Variants in CLIP2 observed in about 807,000 individuals in gnomAD.
CLIP2 encodes CAP-Gly domain containing linker protein 2, also known as CAP-Gly domain-containing linker protein 2.
Under a neutral mutation model 111.7 loss-of-function variants are expected in CLIP2, and 41 were observed. That is an observed-to-expected ratio of 0.37 (90% CI 0.29 to 0.48). The LOEUF is 0.48. Among genes scored for constraint, CLIP2 ranks in the 20% least tolerant of loss-of-function variants. CLIP2 has a pLI of 0.99. For synonymous variants in CLIP2, 660 were observed against 644.2 expected (o/e 1.02, Z -0.37); for missense variants, 1,160 against 1,422.1 (o/e 0.82, Z 2.96).
At chr7:74,378,241 C>T (rs1790850590) in intron 10 of CLIP2, among the ~76,000 whole-genome samples, 1 of 152,034 alleles carries the variant, frequency 6.6e-6, no homozygotes, top group African/African-American at 2.4e-5. Flanking sequence ...GAGCCTCCCA[C>T]TTCAGCCTTC....
chr7:74,310,567 G>A (rs1346889513), intron 1 of CLIP2, among the ~76,000 whole-genome samples: 4 of 152,086 alleles, frequency 2.6e-5, no homozygotes, highest in African/African-American at 9.7e-5. Flanking sequence ...CCCTACTTTT[G>A]TTTGTACAGG....
rs891473878 is a variant in CLIP2, at chr7:74,404,062, A to G, written c.*214A>G. 4.9e-6 allele frequency: 3 copies of G among 615,722 alleles called. No homozygotes were observed. Among genetic ancestry groups the G allele is most frequent in the Non-Finnish European group, 8.9e-6 (3 of 337,732 alleles). 38.1% of individuals were successfully genotyped at this position (615,722 alleles called of 1,614,324 possible). ...GCCCAGCCTTCTACAGAGAGTGTGA[A>G]CGGTACAGCCCCGGCCTGACCCGGG... On this transcript the variant is annotated 3_prime_UTR_variant, in exon 17 of 17. Coordinates refer to ENST00000223398, the MANE Select transcript of CLIP2 (RefSeq NM_003388.5).
In CLIP2 at chr7:74,301,049, C is replaced by T. The variant is rs182380219; in HGVS notation, c.-68+11315C>T. ...TTGTACTAATTTACATTCTTACCAA[C>T]AGTGTATACGCGTTCCCTTTCCTCC... On this transcript the variant is annotated intron_variant, in intron 1 of 16. Transcript: ENST00000223398. Among the ~76,000 whole-genome samples the T allele has an allele frequency of 5.9e-5, 9 of 152,334 alleles. No individual in the cohort carries two copies. In the East Asian group the frequency reaches 1.7e-3, roughly 29 times the overall value.
At position 74,396,988 on chromosome 7, in the gene CLIP2, C is replaced by G. The variant is rs1584393530; in HGVS notation, c.2721-86C>G. 8 of 1,533,270 alleles carry G rather than the reference C, an allele frequency of 5.2e-6. No homozygotes were observed. The East Asian group carries it at 1.8e-4, about 35-fold the overall frequency. 95.0% of individuals were successfully genotyped at this position (1,533,270 alleles called of 1,614,324 possible). ...CCATGTCCCCCACCAGTTGGTCAGC[C>G]CCTGGACACTTGGCAAATTGCTAGA... On this transcript the variant is annotated intron_variant, in intron 13 of 16. Transcript: ENST00000223398.
chr7:74,318,963 T>G (rs1373650948), intron 2 of CLIP2, among the ~76,000 whole-genome samples: 1 of 152,130 alleles, frequency 6.6e-6, no homozygotes, highest in Non-Finnish European at 1.5e-5. Flanking sequence ...ACAGGGTCCC[T>G]GGCAGAGCCA....
chr7:74,336,611 G>A, intron 2 of CLIP2, among the ~76,000 whole-genome samples: 1 of 152,132 alleles, frequency 6.6e-6, no homozygotes, highest in African/African-American at 2.4e-5. Context: ...CTCCCACTGG[G>A]TACCTCCCAA....
At chr7:74,290,247 C>T (rs1018920910) in intron 1 of CLIP2, among the ~76,000 whole-genome samples, 4 of 152,210 alleles carry the variant, frequency 2.6e-5, no homozygotes, top group Non-Finnish European at 5.9e-5. Flanking sequence ...GCTACACCCT[C>T]TGGGGTCGCC....
chr7:74,316,253 T>C (rs1788771943), intron 1 of CLIP2, among the ~76,000 whole-genome samples: 1 of 151,854 alleles, frequency 6.6e-6, no homozygotes, highest in Non-Finnish European at 1.5e-5. Flanking sequence ...TTTGTTTTTG[T>C]TTTTGTTTTG....
At chr7:74,332,672 C>G (rs1022876286) in intron 2 of CLIP2, among the ~76,000 whole-genome samples, 1 of 152,036 alleles carries the variant, frequency 6.6e-6, no homozygotes, top group Non-Finnish European at 1.5e-5. Flanking sequence ...CTGTAACTTT[C>G]CTGGGGCAAG....
intron 2 of CLIP2, among the ~76,000 whole-genome samples, chr7:74,329,058 C>T (rs1479212107): frequency 6.6e-6 from 1 of 150,388 alleles, no homozygotes; most frequent in Non-Finnish European, 1.5e-5. Context: ...TAGGCACCCG[C>T]CATCATGCCT....
chr7:74,315,015 G>A (rs533934910), intron 1 of CLIP2, among the ~76,000 whole-genome samples: 48 of 152,306 alleles, frequency 3.2e-4, no homozygotes, highest in Non-Finnish European at 5.0e-4. Context: ...GGTGGCTCAC[G>A]CCTGTAATCC....
At chr7:74,342,077 G>C (rs1464650781) in intron 3 of CLIP2, among the ~76,000 whole-genome samples, 1 of 152,142 alleles carries the variant, frequency 6.6e-6, no homozygotes, top group Admixed American at 6.6e-5. Context: ...TGAGAGACTA[G>C]AGAAACTGTG....
chr7:74,295,516 T>C (rs1554725955), intron 1 of CLIP2, among the ~76,000 whole-genome samples: 3 of 152,140 alleles, frequency 2.0e-5, no homozygotes, highest in Admixed American at 2.0e-4. Context: ...CTGTTCCCTT[T>C]TGTAATGTAG....
intron 1 of CLIP2, among the ~76,000 whole-genome samples, chr7:74,299,763 A>G (rs1172251287): frequency 6.7e-6 from 1 of 149,912 alleles, no homozygotes; most frequent in Non-Finnish European, 1.5e-5. Flanking sequence ...CAATGGTGTG[A>G]TCTCGGCTCA....
At chr7:74,361,170 C>CCCTCCTTTCCTTCCTTCCTT (rs1790317528) in intron 7 of CLIP2, among the ~76,000 whole-genome samples, 2 of 12,704 alleles carry the variant, frequency 1.6e-4, no homozygotes, top group Admixed American at 7.7e-4. Flanking sequence ...CTCCCTCCCT[C>CCCTCCTTTCCTTCCTTCCTT]CCTTCTTTCC....
intron 14 of CLIP2, among the ~76,000 whole-genome samples, chr7:74,399,820 G>A (rs1240647930): frequency 6.6e-6 from 1 of 151,498 alleles, no homozygotes; most frequent in Non-Finnish European, 1.5e-5. Flanking sequence ...GATTACAGGC[G>A]TGAGCCACCA....
chr7:74,329,621 G>C (rs1033905154), intron 2 of CLIP2, among the ~76,000 whole-genome samples: 1 of 152,044 alleles, frequency 6.6e-6, no homozygotes, highest in Non-Finnish European at 1.5e-5. Flanking sequence ...ATGTTCTGTG[G>C]AACATTTAAG....
At chr7:74,356,301 G>A in intron 4 of CLIP2, 109 bp from the exon 5 acceptor site, 1 of 886,324 alleles carries the variant, frequency 1.1e-6, no homozygotes. Flanking sequence ...GGGCCCCAAG[G>A]AGGTGTCTTT....
At chr7:74,346,734 A>C (rs1203690606) in intron 3 of CLIP2, among the ~76,000 whole-genome samples, 119 of 62,070 alleles carry the variant, frequency 1.9e-3, no homozygotes, top group Middle Eastern at 0.026. Context: ...AAAAAAAAAA[A>C]AAAAAAAACA....
Sources: allele counts gnomAD v4.1 joint callset (sites outside exome capture counted in the v4.1 genomes callset), GRCh38; gene constraint gnomAD v4.1.1; transcripts MANE v1.5; gene names NCBI Gene and HGNC (gene_info 2026-07-23, HGNC 2026-07-21).